BAHCC1: variants seen among roughly 807,000 people sequenced by gnomAD.
The protein encoded by BAHCC1 is BAH and coiled-coil domain-containing protein 1.
BAHCC1 carries 43 observed loss-of-function variants against 88.2 expected under a neutral mutation model. The ratio of observed to expected loss-of-function variants is 0.49; its 90% CI spans 0.38 to 0.63. BAHCC1 has a LOEUF of 0.63. Ranked by LOEUF, BAHCC1 falls within the 20% of genes least tolerant of loss-of-function variation. The pLI, the probability that BAHCC1 is intolerant of heterozygous loss-of-function variation, is 0.00. For synonymous variants in BAHCC1, 1,510 were observed against 745.5 expected (o/e 2.03, Z -16.71); for missense variants, 3,023 against 1,654.8 (o/e 1.83, Z -14.34).
rs1555654849 is a variant in BAHCC1 at position 81,447,458 on chromosome 17, T to G, written c.3586T>G (p.Ser1196Ala). 1 of 741,234 alleles carries G rather than the reference T, an allele frequency of 1.3e-6. No individual in the cohort carries two copies. Among genetic ancestry groups the G allele is most frequent in the Non-Finnish European group, 2.5e-6 (1 of 398,766 alleles). The allele number at this position is 741,234 out of a possible 1,614,324, so 45.9% of individuals were successfully genotyped here. The stretch of plus-strand genomic sequence containing the variant: ...GGAGGAGGGGGAGCAGGGGCCCTCG[T>G]CAGGGGCCTCCTCCCAAGTCCTGGA... The part of the protein sequence containing the change: ...SREEGEQGPS[S>A]GASSQVLEQR... Residue 1196 changes from serine (S) to alanine (A), a missense_variant, in exon 11 of 28, where the codon TCA (serine) becomes GCA (alanine). Ser to Ala is a moderately conservative substitution (Grantham distance 99). Coordinates refer to ENST00000675386, the MANE Select transcript of BAHCC1 (RefSeq NM_001377448.1).
intron 13 of BAHCC1, 42 bp from the exon 14 acceptor site, chr17:81,452,681 G>T: frequency 1.4e-6 from 1 of 707,736 alleles, no homozygotes; most frequent in Non-Finnish European, 2.6e-6. Context: ...CGGGGAGCTG[G>T]GTTGTGCATG....
Position 81,452,905 on chromosome 17 carries a change from G to A in BAHCC1, c.4445+54G>A, listed in dbSNP as rs533686907. ...CGCGTGTGGCCGGCCCTGGGCCCTCGAGGCTGGGGAGCAGGGTCCAGGCTC... is the reference window on the plus strand; with the variant it reads ...CGCGTGTGGCCGGCCCTGGGCCCTCAAGGCTGGGGAGCAGGGTCCAGGCTC... On this transcript the variant is annotated intron_variant, in intron 14 of 27. Transcript: ENST00000675386. 144 of 663,650 alleles carry A rather than the reference G, an allele frequency of 2.2e-4. 1 individual carries two copies. In the East Asian group the frequency reaches 4.3e-3, roughly 20 times the overall value. 41.1% of individuals were successfully genotyped at this position (663,650 alleles called of 1,614,324 possible).
chr17:81,402,939 C>T (rs2063835040), intron 2 of BAHCC1: 1 of 152,264 alleles, frequency 6.6e-6, no homozygotes, highest in Admixed American at 6.5e-5. Flanking sequence ...GTTCCAGTAA[C>T]CTTGTCACCA....
chr17:81,444,200 C>T (rs541396926), intron 6 of BAHCC1, 181 bp from the exon 7 acceptor site: 3 of 607,062 alleles, frequency 4.9e-6, no homozygotes, highest in South Asian at 3.9e-5. Flanking sequence ...TGGGGTTTTC[C>T]CTGAGCCTCC....
chr17:81,416,120 C>T lies in BAHCC1; in HGVS notation c.179-10680C>T, dbSNP rs1483904087. 3.3e-5 allele frequency among the ~76,000 whole-genome samples: 3 copies of T among 92,060 alleles called. No individual in the cohort carries two copies. In the East Asian group the frequency reaches 1.0e-3, roughly 31 times the overall value. The allele number at this position is 92,060 out of a possible 152,430, so 60.4% of individuals were successfully genotyped here. ...TCCATGAGGATGGGTGTGTGTGTGTCCATGAGGGTGGGTCTATGCGTGTGT... is the reference window on the plus strand; with the variant it reads ...TCCATGAGGATGGGTGTGTGTGTGTTCATGAGGGTGGGTCTATGCGTGTGT... On this transcript the variant is annotated intron_variant, in intron 2 of 27. Coordinates refer to ENST00000675386, the MANE Select transcript of BAHCC1 (RefSeq NM_001377448.1).
intron 2 of BAHCC1, among the ~76,000 whole-genome samples, chr17:81,417,781 C>T (rs1322342211): frequency 2.0e-5 from 3 of 152,232 alleles, no homozygotes; most frequent in Non-Finnish European, 4.4e-5. Context: ...GCGCAGGCTT[C>T]TGGAAGGTTC....
At chr17:81,459,460 C>T (rs1555658520) in intron 22 of BAHCC1, 36 bp from the exon 23 acceptor site, 1 of 777,368 alleles carries the variant, frequency 1.3e-6, no homozygotes, top group South Asian at 1.3e-5. Context: ...GGGCCAGGCC[C>T]CACCTGCTCA....
At position 81,441,818 on chromosome 17, in the gene BAHCC1, C is replaced by T. The variant is rs1555652562; in HGVS notation, c.482-13C>T. ...CTAAGGCCTCCCATTGACCTTGGCT[C>T]TTTCCCACACAGATAACTTCTACCT... On this transcript the variant is annotated splice_polypyrimidine_tract_variant and intron_variant, in intron 4 of 27. Coordinates refer to ENST00000675386, the MANE Select transcript of BAHCC1 (RefSeq NM_001377448.1). 8 of 602,994 alleles carry T rather than the reference C, an allele frequency of 1.3e-5. No individual in the cohort carries two copies. Among genetic ancestry groups the T allele is most frequent in the Non-Finnish European group, 2.4e-5 (8 of 327,916 alleles). The allele number at this position is 602,994 out of a possible 1,614,324, so 37.4% of individuals were successfully genotyped here. A position where few individuals can be genotyped will look rare whatever the true frequency, so the allele number is the denominator to read the frequency against.
intron 3 of BAHCC1, among the ~76,000 whole-genome samples, chr17:81,436,982 TG>T (rs1555651837): frequency 6.6e-6 from 1 of 152,206 alleles, no homozygotes; most frequent in Non-Finnish European, 1.5e-5. Context: ...GAGCATCTCC[TG>T]GGGCTCAAGC....
chr17:81,438,343 C>G (rs782533246), intron 3 of BAHCC1, 27 bp from the exon 4 acceptor site: 12 of 777,584 alleles, frequency 1.5e-5, no homozygotes, highest in Non-Finnish European at 2.9e-5. Context: ...GGAGTTGCCT[C>G]TGCAACTGGG....
rs375191474 is a variant in BAHCC1 at position 81,399,128 on chromosome 17, A to AGTGTGTGT, written c.-206-388_-206-381dup. The AGTGTGTGT allele has an allele frequency of 0.027, 6,322 of 231,650 alleles. 144 individuals carry two copies. The highest frequency in any genetic ancestry group is 0.08 in the African/African-American group (3,033 of 38,140). 14.3% of individuals were successfully genotyped at this position (231,650 alleles called of 1,614,324 possible). Reference sequence around the variant, plus strand: ...GGGGAGGGGAGAGGGTGTGCGTGTGAGTGTGTGTGTGTGTGTGTGTGTGTG... The same window carrying AGTGTGTGT: ...GGGGAGGGGAGAGGGTGTGCGTGTGAGTGTGTGTGTGTGTGTGTGTGTGTGTGTGTGTG... On this transcript the variant is annotated intron_variant, in intron 1 of 27. Coordinates refer to ENST00000675386, the MANE Select transcript of BAHCC1 (RefSeq NM_001377448.1). The surrounding 1 kb of genome is among the most constrained non-coding windows in gnomAD (Gnocchi z 4.5).
At position 81,444,395 on chromosome 17, in the gene BAHCC1, G is replaced by T; in HGVS notation, c.2339G>T (p.Arg780Leu). ...AGGTCTTACAGGGACAGCAAAGACC[G>T]CGTAGAGTTCGCCCGGATCCACCCA... is the stretch of plus-strand genomic sequence containing the variant. ...RELLLQDSKD[R>L]VEFARIHPPS... Residue 780 changes from arginine (R) to leucine (L), a missense_variant, in exon 7 of 28, where the codon CGC (arginine) becomes CTC (leucine). Physicochemically the swap from Arg to Leu is moderately radical, Grantham distance 102. Transcript: ENST00000675386. The T allele has an allele frequency of 1.3e-6, 1 of 743,764 alleles. No individual in the cohort carries two copies. The highest frequency in any genetic ancestry group is 1.8e-5 in the Admixed American group (1 of 55,104). 46.1% of individuals were successfully genotyped at this position (743,764 alleles called of 1,614,324 possible).
At position 81,452,111 on chromosome 17, in the gene BAHCC1, C is replaced by T. The variant is rs566293358; in HGVS notation, c.4316+4C>T. The T allele has an allele frequency of 6.1e-5, 38 of 623,316 alleles. 1 individual carries two copies. Among genetic ancestry groups the T allele is most frequent in the Admixed American group, 1.1e-4 (4 of 37,450 alleles). The allele number at this position is 623,316 out of a possible 1,614,324, so 38.6% of individuals were successfully genotyped here. On this transcript the variant is annotated splice_donor_region_variant and intron_variant, in intron 13 of 27. Transcript: ENST00000675386. ...TGCAGCGCAAGCACGACCATGAGTACGCCTGGCGTGGCGGGGGGGCCTGGG... is the reference window on the plus strand; with the variant it reads ...TGCAGCGCAAGCACGACCATGAGTATGCCTGGCGTGGCGGGGGGGCCTGGG...
intron 11 of BAHCC1, among the ~76,000 whole-genome samples, chr17:81,449,225 A>T (rs2064588477): frequency 6.6e-6 from 1 of 152,122 alleles, no homozygotes; most frequent in Non-Finnish European, 1.5e-5. Context: ...GGTGTGCAGA[A>T]GTGGAGTCAG....
intron 2 of BAHCC1, chr17:81,421,949 G>A (rs1555649633): frequency 4.6e-6 from 2 of 431,146 alleles, no homozygotes; most frequent in South Asian, 3.3e-5. Context: ...GCCCAGAAGT[G>A]GTCCCAGAAC....
intron 2 of BAHCC1, among the ~76,000 whole-genome samples, chr17:81,418,139 A>G (rs961827988): frequency 3.3e-5 from 5 of 152,222 alleles, no homozygotes; most frequent in Non-Finnish European, 5.9e-5. Flanking sequence ...CCCCGTGTCC[A>G]CCAGGTGTGG....
rs781862076 is a variant in BAHCC1, at chr17:81,442,520, G to A, written c.1171G>A (p.Gly391Arg). 17 of 727,942 alleles carry A rather than the reference G, an allele frequency of 2.3e-5. No homozygotes were observed. The highest frequency in any genetic ancestry group is 1.7e-4 in the African/African-American group (10 of 57,366). 45.1% of individuals were successfully genotyped at this position (727,942 alleles called of 1,614,324 possible). The change falls in exon 5 of 28, where the codon GGG (glycine) becomes AGG (arginine). Residue 391 changes from glycine (G) to arginine (R), a missense_variant. Transcript: ENST00000675386. Reference sequence around the variant, plus strand: ...AGCCCCCCGGGACCTAAAGGCCAGCGGGCCCACCTTCGTGCCTTCTGTGGG... The same window carrying A: ...AGCCCCCCGGGACCTAAAGGCCAGCAGGCCCACCTTCGTGCCTTCTGTGGG... ...DKAPRDLKAS[G>R]PTFVPSVGHL...
Position 81,447,494 on chromosome 17 carries a change from G to T in BAHCC1, c.3622G>T (p.Gly1208Trp). Reference sequence around the variant, plus strand: ...CTCCCAAGTCCTGGAGCAGCGAGCAGGGAGTCCGGGTGCCCTTGAGGACGA... The same window carrying T: ...CTCCCAAGTCCTGGAGCAGCGAGCATGGAGTCCGGGTGCCCTTGAGGACGA... Reference protein sequence around the residue: ...ASSQVLEQRAGSPGALEDEGE... With the variant: ...ASSQVLEQRAWSPGALEDEGE... The change falls in exon 11 of 28, where the codon GGG becomes TGG. Residue 1208 changes from glycine to tryptophan, a missense_variant. Physicochemically the swap from Gly to Trp is radical, Grantham distance 184 (BLOSUM62 -2). Transcript: ENST00000675386. 1 of 745,750 alleles carries T rather than the reference G, an allele frequency of 1.3e-6. No individual in the cohort carries two copies. The highest frequency in any genetic ancestry group is 2.5e-5 in the East Asian group (1 of 39,552). The allele number at this position is 745,750 out of a possible 1,614,324, so 46.2% of individuals were successfully genotyped here.
intron 2 of BAHCC1, among the ~76,000 whole-genome samples, chr17:81,417,254 C>T (rs1019083416): frequency 3.3e-5 from 5 of 152,170 alleles, no homozygotes; most frequent in Non-Finnish European, 4.4e-5. Context: ...CGAGGAGACT[C>T]ATCCAGCTGC....
Sources: allele counts gnomAD v4.1 joint callset (sites outside exome capture counted in the v4.1 genomes callset), GRCh38; gene constraint gnomAD v4.1.1; non-coding constraint Gnocchi (gnomAD v3.1); transcripts MANE v1.5; gene names NCBI Gene and HGNC (gene_info 2026-07-23, HGNC 2026-07-21).